The following NR2F1-AS1 variants were observed in gnomAD, a reference collection of about 807,000 sequenced individuals.
The protein encoded by NR2F1-AS1 is NR2F1 regulatory antisense RNA 1, also known as NR2F1 antisense RNA 1.
chr5:93,425,579 A>C (rs983668802), intron 4 of NR2F1-AS1, among the ~76,000 whole-genome samples: 19 of 152,174 alleles, frequency 1.2e-4, no homozygotes, highest in African/African-American at 4.6e-4. Context: ...ACCATCCATC[A>C]AATATGCCAG....
At chr5:93,451,031 T>C (rs748536486) in intron 4 of NR2F1-AS1, among the ~76,000 whole-genome samples, 1 of 151,998 alleles carries the variant, frequency 6.6e-6, no homozygotes, top group Non-Finnish European at 1.5e-5. Flanking sequence ...ATTAATATTC[T>C]GTAAAAACAA....
chr5:93,581,911 T>G (rs1753093840), upstream of NR2F1-AS1, among the ~76,000 whole-genome samples: 1 of 97,958 alleles, frequency 1.0e-5, no homozygotes, highest in South Asian at 5.0e-4. Context: ...TCTCTGGGTC[T>G]CTCTCTCTCT....
intron 4 of NR2F1-AS1, among the ~76,000 whole-genome samples, chr5:93,503,745 G>A (rs911478112): frequency 3.3e-5 from 5 of 152,216 alleles, no homozygotes. Flanking sequence ...CATTTCACAT[G>A]TGTTGTCACA....
intron 1 of NR2F1-AS1, among the ~76,000 whole-genome samples, chr5:93,575,263 C>G (rs745463783): frequency 6.6e-6 from 1 of 152,250 alleles, no homozygotes; most frequent in Non-Finnish European, 1.5e-5. Context: ...TCCTAGAAAT[C>G]CAATGTCCTT....
intron 4 of NR2F1-AS1, among the ~76,000 whole-genome samples, chr5:93,418,783 C>T (rs1475252370): frequency 1.3e-5 from 2 of 152,146 alleles, no homozygotes; most frequent in African/African-American, 4.8e-5. Flanking sequence ...CTCTTGGCCA[C>T]AGCATCATAA....
In NR2F1-AS1 at chr5:93,416,655, T is replaced by C. The variant is rs569801887; in HGVS notation, n.639-21113A>G. ...GGTATTATCATACCATTTTTACAAA[T>C]TGGAAAACAGACTTTAAGAGATGTT... On this transcript the variant is annotated intron_variant and non_coding_transcript_variant, in intron 4 of 5. Coordinates refer to ENST00000660523, the Ensembl canonical transcript of NR2F1-AS1. Among the ~76,000 whole-genome samples, 33 of 152,266 alleles carry C rather than the reference T, an allele frequency of 2.2e-4. 1 individual carries two copies. The highest frequency in any genetic ancestry group is 7.5e-4 in the African/African-American group (31 of 41,546).
upstream of NR2F1-AS1, chr5:93,585,499 T>C: frequency 6.3e-7 from 1 of 1,592,730 alleles, no homozygotes; most frequent in Non-Finnish European, 8.6e-7. Flanking sequence ...GAATATTTCT[T>C]CTCTGCTTCT....
chr5:93,534,937 C>A (rs1751808943), intron 4 of NR2F1-AS1, among the ~76,000 whole-genome samples: 1 of 152,088 alleles, frequency 6.6e-6, no homozygotes, highest in Admixed American at 6.6e-5. Flanking sequence ...ACTGTTTGTC[C>A]AAAAGCCAAA....
intron 4 of NR2F1-AS1, among the ~76,000 whole-genome samples, chr5:93,551,378 A>G (rs79994062): frequency 0.046 from 7,039 of 152,208 alleles, 534 homozygotes; most frequent in African/African-American, 0.16. Context: ...ATTATAATAC[A>G]ATAGTCAAAG....
chr5:93,570,942 A>G (rs1752749740), intron 1 of NR2F1-AS1: 1 of 152,186 alleles, frequency 6.6e-6, no homozygotes, highest in Non-Finnish European at 1.5e-5. Context: ...GGGCCCCTAC[A>G]AGGGATCCCA....
intron 2 of NR2F1-AS1, among the ~76,000 whole-genome samples, chr5:93,559,683 T>G (rs1378114467): frequency 2.0e-5 from 3 of 152,196 alleles, no homozygotes; most frequent in Non-Finnish European, 4.4e-5. Context: ...CTTTCAATCT[T>G]ATTGTGTCTC....
At chr5:93,522,901 G>A (rs1303832126) in intron 4 of NR2F1-AS1, among the ~76,000 whole-genome samples, 1 of 151,982 alleles carries the variant, frequency 6.6e-6, no homozygotes, top group Non-Finnish European at 1.5e-5. Context: ...TGGGTTTCAA[G>A]CACAAACCTG....
At chr5:93,427,388 T>C (rs1203723767) in intron 4 of NR2F1-AS1, among the ~76,000 whole-genome samples, 1 of 152,216 alleles carries the variant, frequency 6.6e-6, no homozygotes, top group East Asian at 1.9e-4. Flanking sequence ...TTGTCCCTCC[T>C]GAGGCTGTTC....
chr5:93,444,769 A>T (rs977487121), intron 4 of NR2F1-AS1, among the ~76,000 whole-genome samples: 1 of 152,204 alleles, frequency 6.6e-6, no homozygotes, highest in Admixed American at 6.5e-5. Flanking sequence ...ACCACATCGC[A>T]CTTATACCAA....
At chr5:93,519,487 A>G (rs1751461442) in intron 4 of NR2F1-AS1, among the ~76,000 whole-genome samples, 1 of 152,044 alleles carries the variant, frequency 6.6e-6, no homozygotes. Context: ...ACACTGCATG[A>G]TGCTGAAAGG....
At chr5:93,574,134 T>A (rs546816366) in intron 1 of NR2F1-AS1, among the ~76,000 whole-genome samples, 2 of 152,320 alleles carry the variant, frequency 1.3e-5, no homozygotes, top group African/African-American at 4.8e-5. Flanking sequence ...TGTGTTTGCA[T>A]GGACAAGCCT....
intron 1 of NR2F1-AS1, among the ~76,000 whole-genome samples, chr5:93,568,314 ATATT>A (rs1752663179): frequency 6.6e-6 from 1 of 152,206 alleles, no homozygotes; most frequent in Non-Finnish European, 1.5e-5. Flanking sequence ...CAAACTAAGT[ATATT>A]TATTTATACT....
At chr5:93,494,138 A>C (rs2149881901) in intron 4 of NR2F1-AS1, among the ~76,000 whole-genome samples, 1 of 152,318 alleles carries the variant, frequency 6.6e-6, no homozygotes, top group Non-Finnish European at 1.5e-5. Flanking sequence ...ATAAAGAACC[A>C]TTACAACTCA....
chr5:93,495,961 A>G (rs2149882910), intron 4 of NR2F1-AS1: 1 of 152,266 alleles, frequency 6.6e-6, no homozygotes, highest in African/African-American at 2.4e-5. Context: ...GTTATGGAAG[A>G]TAGATGGTAT....
Sources: gnomAD v4.1 joint callset for allele counts (sites outside exome capture counted in the v4.1 genomes callset) on GRCh38, gnomAD v4.1.1 for gene constraint, MANE v1.5 for transcripts, NCBI Gene and HGNC (gene_info 2026-07-23, HGNC 2026-07-21) for gene names.